UVRAG: variants seen among roughly 807,000 people sequenced by gnomAD.
UVRAG encodes the protein UV radiation resistance-associated gene protein.
UVRAG carries 19 observed loss-of-function variants against 78.0 expected under a neutral mutation model. The ratio of observed to expected loss-of-function variants is 0.24; its 90% CI spans 0.17 to 0.36. The LOEUF (loss-of-function observed/expected upper bound fraction) is 0.36, where lower values mean the gene tolerates loss of function less well. Among genes scored for constraint, UVRAG ranks in the 10% least tolerant of loss-of-function variants. UVRAG has a pLI of 1.00. For synonymous variants in UVRAG, 323 were observed against 324.6 expected, an observed-to-expected ratio of 1.00 and a Z score of 0.05; for missense variants, 740 against 853.8, an observed-to-expected ratio of 0.87 and a Z score of 1.66.
rs758924640 is a variant in UVRAG at position 76,124,880 on chromosome 11, A to T, written c.1397+8865A>T. On this transcript the variant is annotated intron_variant, in intron 14 of 14. Transcript: ENST00000356136. ...GAAAATGTTTTTTCAGTAAACTGAGAATAATGAAAATTTAGAATAAGTGAG... is the reference window on the plus strand; with the variant it reads ...GAAAATGTTTTTTCAGTAAACTGAGTATAATGAAAATTTAGAATAAGTGAG... 2.2e-4 allele frequency among the ~76,000 whole-genome samples: 33 copies of T among 152,236 alleles called. 1 individual carries two copies. Among genetic ancestry groups the T allele is most frequent in the Admixed American group, 5.9e-4 (9 of 15,292 alleles).
chr11:76,082,033 C>CA (rs1300697293), intron 13 of UVRAG, among the ~76,000 whole-genome samples: 1 of 150,106 alleles, frequency 6.7e-6, no homozygotes, highest in African/African-American at 2.5e-5. Flanking sequence ...GAAAACTATA[C>CA]AAAAAAACAA....
At chr11:76,045,373 A>G (rs1280193287) in intron 12 of UVRAG, among the ~76,000 whole-genome samples, 2 of 152,226 alleles carry the variant, frequency 1.3e-5, no homozygotes, top group Non-Finnish European at 2.9e-5. Context: ...ATCTTTCAAT[A>G]TGTGTGCTCT....
intron 13 of UVRAG, among the ~76,000 whole-genome samples, chr11:76,109,522 T>C (rs1216730779): frequency 6.6e-6 from 1 of 152,228 alleles, no homozygotes; most frequent in Non-Finnish European, 1.5e-5. Flanking sequence ...TGGTCCTGTT[T>C]ATAGACAAGG....
chr11:75,882,864 A>C (rs1946982528), intron 4 of UVRAG, among the ~76,000 whole-genome samples: 1 of 152,162 alleles, frequency 6.6e-6, no homozygotes, highest in Admixed American at 6.5e-5. Flanking sequence ...TTTAAACTAC[A>C]TTCTAAACTA....
intron 8 of UVRAG, among the ~76,000 whole-genome samples, chr11:75,985,800 G>GT (rs991249123): frequency 2.4e-4 from 36 of 152,022 alleles, no homozygotes; most frequent in African/African-American, 8.2e-4. Context: ...TCACCATTGC[G>GT]TTGCAGTTTT....
chr11:76,111,426 G>A (rs547122547), intron 13 of UVRAG, among the ~76,000 whole-genome samples: 1 of 152,296 alleles, frequency 6.6e-6, no homozygotes, highest in African/African-American at 2.4e-5. Context: ...CCCACTCTGT[G>A]TAGCCCAATA....
chr11:76,068,130 G>A (rs572613738), intron 13 of UVRAG, among the ~76,000 whole-genome samples: 1 of 152,182 alleles, frequency 6.6e-6, no homozygotes, highest in Non-Finnish European at 1.5e-5. Context: ...TCTTCTCAAG[G>A]GCCCAAAAGG....
chr11:75,822,370 G>A (rs1439150220), intron 1 of UVRAG, among the ~76,000 whole-genome samples: 2 of 152,202 alleles, frequency 1.3e-5, no homozygotes, highest in Non-Finnish European at 2.9e-5. Context: ...GACATTAGAT[G>A]TGTGGGGCTT....
chr11:75,896,470 G>A lies in UVRAG; in HGVS notation c.507+7567G>A, dbSNP rs78121842. ...TTTTTATGAATGCACAGTCCTAGTC[G>A]TTAGGAATATGGATATTGGAGTCAG... On this transcript the variant is annotated intron_variant, in intron 5 of 14. Coordinates refer to ENST00000356136, the MANE Select transcript of UVRAG (RefSeq NM_003369.4). Among the ~76,000 whole-genome samples, 892 of 152,252 alleles carry A rather than the reference G, an allele frequency of 5.9e-3. 4 individuals are homozygous for A. Among genetic ancestry groups the A allele is most frequent in the Non-Finnish European group, 0.01 (681 of 68,014 alleles).
chr11:76,027,057 C>A (rs951763196), intron 12 of UVRAG, among the ~76,000 whole-genome samples: 1 of 151,924 alleles, frequency 6.6e-6, no homozygotes, highest in African/African-American at 2.4e-5. Flanking sequence ...TTGAACCCTT[C>A]ATTTCACAAA....
intron 13 of UVRAG, among the ~76,000 whole-genome samples, chr11:76,098,044 TTTTGTTTGTTTG>T (rs901553723): frequency 6.6e-6 from 1 of 152,088 alleles, no homozygotes; most frequent in Non-Finnish European, 1.5e-5. Flanking sequence ...CTCGGATGGT[TTTTGTTTGTTTG>T]TTTGTTTTTT....
intron 12 of UVRAG, among the ~76,000 whole-genome samples, chr11:76,036,277 G>A (rs1056297056): frequency 6.6e-6 from 1 of 152,134 alleles, no homozygotes; most frequent in Non-Finnish European, 1.5e-5. Context: ...GGCTGGGCAC[G>A]GCAGCTCATG....
chr11:76,135,684 A>G (rs573149940), intron 14 of UVRAG, among the ~76,000 whole-genome samples: 1 of 152,324 alleles, frequency 6.6e-6, no homozygotes, highest in Non-Finnish European at 1.5e-5. Flanking sequence ...TTTGGAGCTA[A>G]GCCCAGCTGG....
intron 14 of UVRAG, among the ~76,000 whole-genome samples, chr11:76,124,070 C>A (rs1022341384): frequency 6.6e-6 from 1 of 152,178 alleles, no homozygotes; most frequent in Non-Finnish European, 1.5e-5. Flanking sequence ...AGCTGAGTAT[C>A]AGTTCTTTAA....
At chr11:75,837,312 G>A (rs1945804106) in intron 1 of UVRAG, among the ~76,000 whole-genome samples, 1 of 138,406 alleles carries the variant, frequency 7.2e-6, no homozygotes, top group Non-Finnish European at 1.5e-5. Flanking sequence ...GGGCGACAGA[G>A]TGAGACTCTG....
At chr11:75,905,566 T>C (rs1053337357) in intron 5 of UVRAG, among the ~76,000 whole-genome samples, 4 of 152,214 alleles carry the variant, frequency 2.6e-5, no homozygotes, top group Non-Finnish European at 5.9e-5. Flanking sequence ...GTTCTGGCTT[T>C]TTTCACTTAG....
chr11:75,972,069 C>T (rs898172100), intron 7 of UVRAG, among the ~76,000 whole-genome samples: 2 of 151,836 alleles, frequency 1.3e-5, no homozygotes, highest in Non-Finnish European at 2.9e-5. Flanking sequence ...ACTTGGGTAA[C>T]ATAGTGAGAC....
At chr11:76,059,618 A>AGT (rs988621236) in intron 12 of UVRAG, among the ~76,000 whole-genome samples, 1 of 152,202 alleles carries the variant, frequency 6.6e-6, no homozygotes, top group African/African-American at 2.4e-5. Context: ...AACATCCTGT[A>AGT]GTATATAGGA....
At chr11:76,048,826 C>G (rs1950811066) in intron 12 of UVRAG, among the ~76,000 whole-genome samples, 2 of 152,124 alleles carry the variant, frequency 1.3e-5, no homozygotes, top group Non-Finnish European at 2.9e-5. Context: ...TAAAATCAGC[C>G]TTTAAAACTT....
Sources: allele counts gnomAD v4.1 joint callset (sites outside exome capture counted in the v4.1 genomes callset), GRCh38; gene constraint gnomAD v4.1.1; transcripts MANE v1.5; gene names NCBI Gene and HGNC (gene_info 2026-07-23, HGNC 2026-07-21).